INTS4: variants seen among roughly 807,000 people sequenced by gnomAD.
The protein encoded by INTS4 is MSTP093.
Under a neutral mutation model 119.5 loss-of-function variants are expected in INTS4, and 70 were observed. The observed-to-expected ratio is 0.59, with a 90% confidence interval of 0.48 to 0.71. The LOEUF (loss-of-function observed/expected upper bound fraction) is 0.71. Among genes scored for constraint, INTS4 ranks in the 30% least tolerant of loss-of-function variants. The probability of loss-of-function intolerance (pLI) is 0.00; values close to 1 mark genes in which losing one functional copy is unlikely to be tolerated. For missense variants in INTS4, 867 were observed against 1,173.2 expected, an observed-to-expected ratio of 0.74 and a Z score of 3.81; for synonymous variants, 316 against 419.6, an observed-to-expected ratio of 0.75 and a Z score of 3.02.
downstream of INTS4, chr11:77,878,585 T>C: frequency 5.4e-6 from 3 of 554,076 alleles, no homozygotes; most frequent in East Asian, 5.8e-5. Context: ...AATAAGACTA[T>C]AGCTCAAATA....
chr11:77,900,809 C>T (rs1163219967), intron 18 of INTS4: 4 of 592,458 alleles, frequency 6.8e-6, no homozygotes, highest in Non-Finnish European at 1.2e-5. Flanking sequence ...GAAAGTCTTA[C>T]AGATATAATT....
At chr11:77,982,257 T>A (rs1335724971) in intron 2 of INTS4, among the ~76,000 whole-genome samples, 4 of 149,880 alleles carry the variant, frequency 2.7e-5, no homozygotes, top group Non-Finnish European at 5.9e-5. Flanking sequence ...AACCTCAGCC[T>A]CCCAAGTAGC....
chr11:77,965,391 A>AGTC (rs1298186679), intron 4 of INTS4, among the ~76,000 whole-genome samples: 6 of 152,124 alleles, frequency 3.9e-5, no homozygotes, highest in Non-Finnish European at 8.8e-5. Context: ...TGTGGACTAT[A>AGTC]GTCACCTGCT....
chr11:77,920,176 T>C (rs1174463601), intron 14 of INTS4, among the ~76,000 whole-genome samples: 13 of 146,790 alleles, frequency 8.9e-5, no homozygotes, highest in Non-Finnish European at 1.9e-4. Flanking sequence ...TATATACATA[T>C]ACATATACAC....
intron 12 of INTS4, among the ~76,000 whole-genome samples, chr11:77,923,431 C>T (rs927870472): frequency 5.3e-5 from 8 of 150,036 alleles, no homozygotes; most frequent in African/African-American, 2.0e-4. Flanking sequence ...TATGAAAAAA[C>T]AGACTTATTG....
chr11:77,928,605 T>C (rs1258850085), intron 10 of INTS4, 58 bp from the exon 11 acceptor site: 3 of 1,542,056 alleles, frequency 1.9e-6, no homozygotes, highest in Non-Finnish European at 2.6e-6. Flanking sequence ...CTCACGCCTG[T>C]AATCCCAGCA....
chr11:77,967,461 T>A (rs1263234236), intron 4 of INTS4, among the ~76,000 whole-genome samples: 2 of 152,210 alleles, frequency 1.3e-5, no homozygotes, highest in Non-Finnish European at 2.9e-5. Flanking sequence ...GTTTAAGCCA[T>A]CCAGCCTGTG....
chr11:77,928,660 A>C, intron 10 of INTS4, 113 bp from the exon 11 acceptor site: 2 of 1,452,348 alleles, frequency 1.4e-6, no homozygotes, highest in Non-Finnish European at 1.8e-6. Context: ...CCGCCTATGC[A>C]ATGTGGTAAA....
At position 77,928,491 on chromosome 11, in the gene INTS4, A is replaced by G; in HGVS notation, c.1222T>C (p.Phe408Leu). Reference protein sequence around the residue: ...LCMLAQSSPSFAEKCLDFLVD... With the variant: ...LCMLAQSSPSLAEKCLDFLVD... ...AGGAAATCAAGGCACTTCTCAGCAA[A>G]AGAGGGTGAAGACTGGGCCAACATG... The change falls in exon 11 of 23, where the codon TTT becomes CTT. Residue 408 changes from phenylalanine to leucine, a missense_variant. By Grantham distance (22) the Phe-to-Leu change is conservative (BLOSUM62 0). This residue lies in a region of INTS4 where 208 missense variants were observed against 306.6 expected (regional missense o/e 0.68). Transcript: ENST00000534064. 1 of 1,605,560 alleles carries G rather than the reference A, an allele frequency of 6.2e-7. No homozygotes were observed. The highest frequency in any genetic ancestry group is 8.5e-7 in the Non-Finnish European group (1 of 1,175,156).
In INTS4 at chr11:77,878,941, T is replaced by G; in HGVS notation, c.*8A>C. 6.2e-7 allele frequency: 1 copy of G among 1,611,954 alleles called. No homozygotes were observed. Among genetic ancestry groups the G allele is most frequent in the Non-Finnish European group, 8.5e-7 (1 of 1,178,310 alleles). ...CTCTAGGCCACGGTTGGGAAGACTG[T>G]TTTTGCCTTAGCGCCGTGCAGGTTT... is the stretch of plus-strand genomic sequence containing the variant. On this transcript the variant is annotated 3_prime_UTR_variant, in exon 23 of 23. Coordinates refer to ENST00000534064, the MANE Select transcript of INTS4 (RefSeq NM_033547.4).
chr11:77,877,194 T>A (rs1951622871), downstream of INTS4: 2 of 572,658 alleles, frequency 3.5e-6, no homozygotes, highest in South Asian at 4.5e-5. Flanking sequence ...TAGGACAGGT[T>A]ACTTATTTCT....
chr11:77,906,067 T>C (rs1319788065), intron 16 of INTS4, among the ~76,000 whole-genome samples: 1 of 152,196 alleles, frequency 6.6e-6, no homozygotes, highest in Non-Finnish European at 1.5e-5. Flanking sequence ...AATTATATTT[T>C]GGGGATTTTG....
At chr11:77,913,132 G>A (rs1953125831) in intron 15 of INTS4, among the ~76,000 whole-genome samples, 1 of 152,050 alleles carries the variant, frequency 6.6e-6, no homozygotes, top group Non-Finnish European at 1.5e-5. Context: ...TGAAAAACAG[G>A]AGGTCACTAT....
intron 15 of INTS4, among the ~76,000 whole-genome samples, chr11:77,909,194 A>G (rs1953032825): frequency 6.6e-6 from 1 of 152,282 alleles, no homozygotes; most frequent in Admixed American, 6.5e-5. Flanking sequence ...TGCTGAAGAC[A>G]AGAAAAGTCC....
downstream of INTS4, among the ~76,000 whole-genome samples, chr11:77,875,864 A>G (rs648601): frequency 0.22 from 33,727 of 152,054 alleles, 3,811 homozygotes; most frequent in Middle Eastern, 0.24. Context: ...AGGTGACAGA[A>G]AAAGACTACA....
At chr11:77,952,414 T>C (rs908651946) in intron 8 of INTS4, among the ~76,000 whole-genome samples, 2 of 152,220 alleles carry the variant, frequency 1.3e-5, no homozygotes, top group Non-Finnish European at 2.9e-5. Context: ...TCAGAGAGTT[T>C]AAAAAGATTA....
At chr11:77,875,662 T>C (rs1311901778), downstream of INTS4, among the ~76,000 whole-genome samples, 1 of 152,184 alleles carries the variant, frequency 6.6e-6, no homozygotes, top group Non-Finnish European at 1.5e-5. Flanking sequence ...TGCAATGCCA[T>C]ATTAATAAAT....
intron 7 of INTS4, among the ~76,000 whole-genome samples, chr11:77,957,418 T>C (rs1954356240): frequency 2.0e-5 from 3 of 151,572 alleles, no homozygotes; most frequent in Admixed American, 6.6e-5. Context: ...GGTGTGGTGG[T>C]GCGCGACTGT....
At chr11:77,987,005 A>T (rs963158730) in intron 2 of INTS4, 1 of 152,208 alleles carries the variant, frequency 6.6e-6, no homozygotes, top group African/African-American at 2.4e-5. Flanking sequence ...AAGAGTCTTC[A>T]CCACTTAAAG....
Sources: gnomAD v4.1 joint callset for allele counts (sites outside exome capture counted in the v4.1 genomes callset) on GRCh38, gnomAD v4.1.1 for gene constraint, gnomAD v4.1.1 regional missense constraint, MANE v1.5 for transcripts, NCBI Gene and HGNC (gene_info 2026-07-23, HGNC 2026-07-21) for gene names.